TNKS2: variants seen among roughly 807,000 people sequenced by gnomAD.
The protein encoded by TNKS2 is tankyrase 2, also known as poly [ADP-ribose] polymerase tankyrase-2.
Under a neutral mutation model 137.6 loss-of-function variants are expected in TNKS2, and 72 were observed. That is an observed-to-expected ratio of 0.52 (90% CI 0.43 to 0.64). The LOEUF (loss-of-function observed/expected upper bound fraction) is 0.64, where lower values mean the gene tolerates loss of function less well. Among genes scored for constraint, TNKS2 ranks in the 30% least tolerant of loss-of-function variants. TNKS2 has a pLI of 0.00. For missense variants in TNKS2, 1,049 were observed against 1,410.2 expected, an observed-to-expected ratio of 0.74 and a Z score of 4.10; for synonymous variants, 516 against 512.1, an observed-to-expected ratio of 1.01 and a Z score of -0.10.
intron 18 of TNKS2, among the ~76,000 whole-genome samples, chr10:91,846,537 G>T (rs563741567): frequency 6.4e-4 from 97 of 152,326 alleles, no homozygotes; most frequent in African/African-American, 2.3e-3. Flanking sequence ...TCTGCTTTGG[G>T]CACTGAAGCA....
intron 12 of TNKS2, among the ~76,000 whole-genome samples, chr10:91,835,447 A>G (rs1027208731): frequency 4.0e-5 from 6 of 150,574 alleles, no homozygotes; most frequent in Admixed American, 2.6e-4. Flanking sequence ...ACACCACCAC[A>G]CCCGGCTAAC....
At chr10:91,847,688 T>A (rs1414343675) in intron 18 of TNKS2, among the ~76,000 whole-genome samples, 2 of 152,340 alleles carry the variant, frequency 1.3e-5, no homozygotes, top group Middle Eastern at 3.4e-3. Context: ...TGATTATCTT[T>A]TCTACCCACC....
chr10:91,831,323 G>A, intron 11 of TNKS2, 142 bp downstream of exon 11: 1 of 772,428 alleles, frequency 1.3e-6, no homozygotes, highest in Non-Finnish European at 2.1e-6. Context: ...GAATTGTCCT[G>A]CAGGTAACCT....
intron 24 of TNKS2, among the ~76,000 whole-genome samples, chr10:91,857,916 G>A (rs905248310): frequency 8.5e-5 from 13 of 152,112 alleles, no homozygotes; most frequent in African/African-American, 2.9e-4. Flanking sequence ...TTGATTCTAA[G>A]TATCAAACCC....
chr10:91,856,730 G>A (rs576733138), intron 23 of TNKS2, among the ~76,000 whole-genome samples: 1 of 152,194 alleles, frequency 6.6e-6, no homozygotes, highest in Admixed American at 6.5e-5. Context: ...AGATCTATTT[G>A]TGACAGTTAC....
intron 25 of TNKS2, among the ~76,000 whole-genome samples, chr10:91,860,318 C>T (rs2133686141): frequency 6.6e-6 from 1 of 152,322 alleles, no homozygotes; most frequent in East Asian, 1.9e-4. Context: ...AGTTAGGGCA[C>T]TGCTTATTGA....
chr10:91,819,158 G>T, intron 3 of TNKS2, 112 bp from the exon 4 acceptor site: 1 of 623,086 alleles, frequency 1.6e-6, no homozygotes, highest in Non-Finnish European at 2.6e-6. Context: ...TCCATTTATT[G>T]GAAATTTGTT....
At chr10:91,838,593 C>T (rs1447928988) in intron 13 of TNKS2, among the ~76,000 whole-genome samples, 1 of 152,198 alleles carries the variant, frequency 6.6e-6, no homozygotes, top group Non-Finnish European at 1.5e-5. Flanking sequence ...AACCAAGCAG[C>T]ACCTGGTACA....
intron 12 of TNKS2, among the ~76,000 whole-genome samples, chr10:91,835,694 C>G (rs1210995343): frequency 6.7e-6 from 1 of 148,472 alleles, no homozygotes; most frequent in African/African-American, 2.5e-5. Flanking sequence ...GTGCTGCGAT[C>G]TTGGCTCACT....
intron 1 of TNKS2, among the ~76,000 whole-genome samples, chr10:91,799,841 GTTTT>G (rs924299789): frequency 6.6e-6 from 1 of 152,092 alleles, no homozygotes; most frequent in African/African-American, 2.4e-5. Context: ...GACAATCCTG[GTTTT>G]TTGTTTTGTG....
chr10:91,838,887 G>A (rs1277924674), intron 13 of TNKS2, among the ~76,000 whole-genome samples: 2 of 152,204 alleles, frequency 1.3e-5, no homozygotes, highest in East Asian at 3.9e-4. Context: ...GTTTGTTTGA[G>A]ATGGAGTTTC....
Position 91,842,248 on chromosome 10 carries a change from T to G in TNKS2, c.1916T>G (p.Ile639Ser). The change falls in exon 16 of 27, where the codon ATT (isoleucine) becomes AGT (serine). Residue 639 changes from isoleucine (I) to serine (S), a missense_variant. Physicochemically the swap from Ile to Ser is moderately radical, Grantham distance 142 (BLOSUM62 -2). Transcript: ENST00000371627. ...CTTGTTAAAGATGGAGATACAGATA[T>G]TCAAGATCTGCTTAGGGGAGATGCA... ...LDLVKDGDTD[I>S]QDLLRGDAAL... The G allele has an allele frequency of 6.2e-7, 1 of 1,614,072 alleles. No individual in the cohort carries two copies. Among genetic ancestry groups the G allele is most frequent in the Non-Finnish European group, 8.5e-7 (1 of 1,179,968 alleles).
At chr10:91,813,571 A>C (rs911852506) in intron 2 of TNKS2, among the ~76,000 whole-genome samples, 13 of 152,294 alleles carry the variant, frequency 8.5e-5, no homozygotes, top group African/African-American at 3.1e-4. Context: ...TGAGAAAGGG[A>C]AAGTCTTTCC....
intron 6 of TNKS2, among the ~76,000 whole-genome samples, chr10:91,821,652 A>G (rs528265641): frequency 2.0e-5 from 3 of 152,302 alleles, no homozygotes; most frequent in Non-Finnish European, 2.9e-5. Context: ...CTCCATTCCC[A>G]TCATGGAAGA....
chr10:91,840,531 GTATCA>G, intron 13 of TNKS2, 25 bp from the exon 14 acceptor site: 1 of 1,584,636 alleles, frequency 6.3e-7, no homozygotes, highest in Non-Finnish European at 8.6e-7. Context: ...TGTAGATGTA[GTATCA>G]TGTATGTTGT....
At position 91,831,044 on chromosome 10, in the gene TNKS2, T is replaced by C. The variant is rs770805909; in HGVS notation, c.1196+30T>C. On this transcript the variant is annotated intron_variant, in intron 10 of 26. Coordinates refer to ENST00000371627, the MANE Select transcript of TNKS2 (RefSeq NM_025235.4). Reference sequence around the variant, plus strand: ...GTATACATTTAATGATTAAATATCATTGAGATTTTACTCTTTTGGAAAATA... The same window carrying C: ...GTATACATTTAATGATTAAATATCACTGAGATTTTACTCTTTTGGAAAATA... 13 of 1,611,792 alleles carry C rather than the reference T, an allele frequency of 8.1e-6. No homozygotes were observed. In the East Asian group the frequency reaches 1.1e-4, roughly 14 times the overall value.
chr10:91,846,184 A>T (rs1216097531), intron 18 of TNKS2, among the ~76,000 whole-genome samples: 1 of 152,242 alleles, frequency 6.6e-6, no homozygotes. Context: ...TAGGAAAAAG[A>T]AGTACATGAT....
intron 9 of TNKS2, among the ~76,000 whole-genome samples, chr10:91,829,581 A>T (rs1845173653): frequency 6.6e-6 from 1 of 152,172 alleles, no homozygotes; most frequent in South Asian, 2.1e-4. Context: ...TTTTAAAAAA[A>T]GTCTTTAAAA....
intron 1 of TNKS2, among the ~76,000 whole-genome samples, chr10:91,804,766 G>T (rs1844272337): frequency 6.6e-6 from 1 of 152,106 alleles, no homozygotes; most frequent in Admixed American, 6.6e-5. Context: ...TGGGGGTTGT[G>T]GGGGTGAGGC....
Sources: gnomAD v4.1 joint callset for allele counts (sites outside exome capture counted in the v4.1 genomes callset) on GRCh38, gnomAD v4.1.1 for gene constraint, MANE v1.5 for transcripts, NCBI Gene and HGNC (gene_info 2026-07-23, HGNC 2026-07-21) for gene names.